Variants in CCDC85A observed in about 807,000 individuals in gnomAD.
CCDC85A encodes coiled-coil domain containing 85A.
CCDC85A carries 38 observed loss-of-function variants against 50.2 expected under a neutral mutation model. The observed-to-expected ratio is 0.76, with a 90% CI of 0.58 to 0.99. The LOEUF is 0.99. Ranked by LOEUF, CCDC85A falls within the 50% of genes least tolerant of loss-of-function variation. The pLI, the probability that CCDC85A is intolerant of heterozygous loss-of-function variation, is 0.00. For synonymous variants in CCDC85A, 366 were observed against 301.4 expected (o/e 1.21, Z -2.22); for missense variants, 820 against 742.0 (o/e 1.11, Z -1.22).
intron 2 of CCDC85A, among the ~76,000 whole-genome samples, chr2:56,201,110 A>C (rs1676725432): frequency 6.6e-6 from 1 of 151,580 alleles, no homozygotes; most frequent in Admixed American, 6.6e-5. Flanking sequence ...ACACACACAC[A>C]CACACACACA....
chr2:56,230,675 G>A (rs1286772390), intron 2 of CCDC85A, among the ~76,000 whole-genome samples: 1 of 152,160 alleles, frequency 6.6e-6, no homozygotes, highest in Non-Finnish European at 1.5e-5. Context: ...AAAATTCTCT[G>A]TGTTCTGACC....
intron 2 of CCDC85A, among the ~76,000 whole-genome samples, chr2:56,311,053 A>G (rs113012173): frequency 8.9e-4 from 136 of 152,282 alleles, no homozygotes; most frequent in African/African-American, 3.0e-3. Context: ...AGACCTTTCC[A>G]TGGATATATT....
intron 1 of CCDC85A, among the ~76,000 whole-genome samples, chr2:56,189,312 T>TTTTTTTTTTTG (rs1572998269): frequency 6.7e-6 from 1 of 149,856 alleles, no homozygotes. Context: ...TTTTTTTTTT[T>TTTTTTTTTTTG]GAGACAAGGT....
At chr2:56,321,569 G>C (rs918072865) in intron 2 of CCDC85A, among the ~76,000 whole-genome samples, 2 of 152,090 alleles carry the variant, frequency 1.3e-5, no homozygotes, top group African/African-American at 4.8e-5. Flanking sequence ...ACAATACCTA[G>C]GAATCCAACT....
At chr2:56,280,292 T>G (rs1428463775) in intron 2 of CCDC85A, among the ~76,000 whole-genome samples, 2 of 152,206 alleles carry the variant, frequency 1.3e-5, no homozygotes, top group Non-Finnish European at 2.9e-5. Context: ...GTCATTACCC[T>G]TTTTGAACCT....
At chr2:56,245,931 A>C (rs562159631) in intron 2 of CCDC85A, among the ~76,000 whole-genome samples, 1 of 152,290 alleles carries the variant, frequency 6.6e-6, no homozygotes, top group South Asian at 2.1e-4. Context: ...TTTATTCTGT[A>C]TAAATTACCG....
chr2:56,269,745 G>A (rs1670617393), intron 2 of CCDC85A, among the ~76,000 whole-genome samples: 1 of 152,034 alleles, frequency 6.6e-6, no homozygotes, highest in Admixed American at 6.6e-5. Context: ...CACTACAAAA[G>A]CCTTTCATTT....
At chr2:56,368,699 G>A (rs538550080) in intron 3 of CCDC85A, among the ~76,000 whole-genome samples, 24 of 152,142 alleles carry the variant, frequency 1.6e-4, no homozygotes, top group African/African-American at 5.1e-4. Flanking sequence ...TTTGTTATAA[G>A]TGCATTACAT....
intron 2 of CCDC85A, among the ~76,000 whole-genome samples, chr2:56,258,960 T>G (rs575705691): frequency 6.6e-6 from 1 of 152,296 alleles, no homozygotes; most frequent in South Asian, 2.1e-4. Context: ...AAGTTTAGGA[T>G]AATTGCTGAA....
intron 2 of CCDC85A, among the ~76,000 whole-genome samples, chr2:56,323,920 G>C (rs1673342651): frequency 6.6e-6 from 1 of 152,010 alleles, no homozygotes; most frequent in South Asian, 2.1e-4. Flanking sequence ...TGTTATTTAG[G>C]GTACGAAGTT....
intron 2 of CCDC85A, among the ~76,000 whole-genome samples, chr2:56,323,498 A>C (rs926176315): frequency 5.9e-5 from 9 of 151,958 alleles, no homozygotes; most frequent in Non-Finnish European, 1.0e-4. Flanking sequence ...AGATAATGAC[A>C]GAAAGTTTCT....
chr2:56,322,124 C>G (rs1330680315), intron 2 of CCDC85A, among the ~76,000 whole-genome samples: 1 of 152,136 alleles, frequency 6.6e-6, no homozygotes, highest in Admixed American at 6.6e-5. Flanking sequence ...CTTCCTTACA[C>G]CTTATACAAA....
intron 2 of CCDC85A, among the ~76,000 whole-genome samples, chr2:56,211,102 TC>T (rs1467829174): frequency 6.6e-6 from 1 of 152,084 alleles, no homozygotes; most frequent in Non-Finnish European, 1.5e-5. Flanking sequence ...TCACTGTTCT[TC>T]CTTGGTTCTT....
Position 56,286,169 on chromosome 2 carries a change from A to T in CCDC85A, c.1241-56710A>T, listed in dbSNP as rs142667111. On this transcript the variant is annotated intron_variant, in intron 2 of 5. Coordinates refer to ENST00000407595, the MANE Select transcript of CCDC85A (RefSeq NM_001080433.2). ...ATTTTTTTCTGTATCTTTGATTTTT[A>T]GCAGTTTGACATTATGTGCCTAGTT... Among the ~76,000 whole-genome samples, 130 of 152,066 alleles carry T rather than the reference A, an allele frequency of 8.5e-4. 2 individuals are homozygous for T. The East Asian group carries it at 0.024, about 28-fold the overall frequency.
intron 3 of CCDC85A, among the ~76,000 whole-genome samples, chr2:56,348,605 G>T (rs771310919): frequency 6.6e-6 from 1 of 152,208 alleles, no homozygotes; most frequent in African/African-American, 2.4e-5. Context: ...CAAAGGAAAA[G>T]AACCTGTCAC....
intron 3 of CCDC85A, among the ~76,000 whole-genome samples, chr2:56,350,713 A>T (rs1443925661): frequency 2.0e-5 from 3 of 149,414 alleles, no homozygotes; most frequent in Non-Finnish European, 4.4e-5. Flanking sequence ...AAGCATTTAA[A>T]CTAAGCTGTC....
intron 2 of CCDC85A, among the ~76,000 whole-genome samples, chr2:56,323,474 T>A (rs1271181139): frequency 3.3e-5 from 5 of 151,876 alleles, no homozygotes; most frequent in Admixed American, 2.0e-4. Flanking sequence ...GCTATTTAGG[T>A]TCGAGTGAAC....
At chr2:56,364,985 G>C (rs1455283142) in intron 3 of CCDC85A, among the ~76,000 whole-genome samples, 1 of 152,086 alleles carries the variant, frequency 6.6e-6, no homozygotes, top group Non-Finnish European at 1.5e-5. Context: ...TACATCTGTG[G>C]CTCCACATAG....
chr2:56,292,648 A>T (rs759187124), intron 2 of CCDC85A, among the ~76,000 whole-genome samples: 1 of 152,164 alleles, frequency 6.6e-6, no homozygotes. Context: ...ATAAATACAT[A>T]AGGAAATAAA....
Sources: allele counts gnomAD v4.1 joint callset (sites outside exome capture counted in the v4.1 genomes callset), GRCh38; gene constraint gnomAD v4.1.1; transcripts MANE v1.5; gene names NCBI Gene and HGNC (gene_info 2026-07-23, HGNC 2026-07-21).